The following NCKAP5 variants were observed in gnomAD, a reference collection of about 807,000 sequenced individuals.
The protein encoded by NCKAP5 is NCK associated protein 5, also known as nck-associated protein 5.
A neutral mutation model predicts 167.0 loss-of-function variants in NCKAP5; 92 were observed. The ratio of observed to expected loss-of-function variants is 0.55; its 90% CI spans 0.47 to 0.66. The LOEUF is 0.66. NCKAP5 is among the 30% of genes least tolerant of loss of function. The probability of loss-of-function intolerance (pLI) is 0.00; values close to 1 mark genes in which losing one functional copy is unlikely to be tolerated. For missense variants in NCKAP5, 2,378 were observed against 2,315.0 expected (o/e 1.03, Z -0.56); for synonymous variants, 891 against 877.4 (o/e 1.02, Z -0.27).
intron 11 of NCKAP5, among the ~76,000 whole-genome samples, chr2:132,827,919 C>T (rs1438905787): frequency 6.6e-6 from 1 of 152,142 alleles, no homozygotes; most frequent in African/African-American, 2.4e-5. Flanking sequence ...TGACCCTATA[C>T]CTGCTGGTAG....
In NCKAP5 at chr2:132,860,344, A is replaced by G. The variant is rs572659958; in HGVS notation, c.807+148T>C. On this transcript the variant is annotated intron_variant, in intron 11 of 19. Coordinates refer to ENST00000409261, the MANE Select transcript of NCKAP5 (RefSeq NM_207363.3). ...AAGTCAAGAACTTCAGACACCTTCA[A>G]ATTTAATGACATAACTTGAGAAAGG... The G allele has an allele frequency of 3.3e-5, 32 of 975,616 alleles. No individual in the cohort carries two copies. In the African/African-American group the frequency reaches 5.1e-4, roughly 16 times the overall value. The allele number at this position is 975,616 out of a possible 1,614,324, so 60.4% of individuals were successfully genotyped here. A position where few individuals can be genotyped will look rare whatever the true frequency, so the allele number is the denominator to read the frequency against.
intron 19 of NCKAP5, among the ~76,000 whole-genome samples, chr2:132,693,847 A>G (rs1687048979): frequency 6.6e-6 from 1 of 151,706 alleles, no homozygotes; most frequent in African/African-American, 2.4e-5. Context: ...GCTGGTCTCA[A>G]ACTCCTGACC....
At chr2:133,139,447 A>C (rs1047429889) in intron 5 of NCKAP5, among the ~76,000 whole-genome samples, 1 of 152,196 alleles carries the variant, frequency 6.6e-6, no homozygotes, top group Non-Finnish European at 1.5e-5. Context: ...GTGGGTGAAG[A>C]TTTAAGAGGC....
the NCKAP5 span, among the ~76,000 whole-genome samples, chr2:133,661,153 A>G: frequency 1.3e-5 from 2 of 152,078 alleles, no homozygotes; most frequent in African/African-American, 4.8e-5. Flanking sequence ...AATGACGAGG[A>G]TTGATGAGGG....
intron 6 of NCKAP5, among the ~76,000 whole-genome samples, chr2:133,113,580 T>A (rs193070542): frequency 1.4e-4 from 22 of 152,344 alleles, no homozygotes; most frequent in Admixed American, 8.5e-4. Flanking sequence ...TTTCCCTGCA[T>A]CATGGGGTTA....
At chr2:133,388,033 T>C (rs1005564191) in intron 3 of NCKAP5, among the ~76,000 whole-genome samples, 1 of 152,256 alleles carries the variant, frequency 6.6e-6, no homozygotes, top group Non-Finnish European at 1.5e-5. Flanking sequence ...GAAGCCTTCT[T>C]CTCTCAACTC....
At chr2:132,820,678 T>G (rs1686664237) in intron 11 of NCKAP5, among the ~76,000 whole-genome samples, 1 of 152,224 alleles carries the variant, frequency 6.6e-6, no homozygotes, top group South Asian at 2.1e-4. Context: ...TCACAGACTG[T>G]GGGTAACACA....
chr2:132,884,903 C>T (rs776417729), intron 8 of NCKAP5, among the ~76,000 whole-genome samples: 45 of 152,134 alleles, frequency 3.0e-4, no homozygotes, highest in Non-Finnish European at 4.9e-4. Flanking sequence ...AGATAATTAC[C>T]GTCATTATAC....
At chr2:132,811,201 C>T (rs575456038) in intron 11 of NCKAP5, among the ~76,000 whole-genome samples, 1 of 152,222 alleles carries the variant, frequency 6.6e-6, no homozygotes, top group East Asian at 1.9e-4. Flanking sequence ...CCATGAGGGT[C>T]CTTGGCTTTG....
intron 5 of NCKAP5, among the ~76,000 whole-genome samples, chr2:133,157,538 C>T (rs975078302): frequency 1.3e-5 from 2 of 152,124 alleles, no homozygotes; most frequent in South Asian, 2.1e-4. Context: ...ATGGTTTTCA[C>T]GCTTTTGTTT....
chr2:133,375,023 C>A (rs150090230), intron 3 of NCKAP5, among the ~76,000 whole-genome samples: 7 of 152,150 alleles, frequency 4.6e-5, no homozygotes, highest in South Asian at 2.1e-4. Context: ...TCTGTCCCTG[C>A]GCTTTTCTTA....
chr2:133,260,723 G>A (rs2088863743), intron 4 of NCKAP5, among the ~76,000 whole-genome samples: 1 of 152,174 alleles, frequency 6.6e-6, no homozygotes, highest in African/African-American at 2.4e-5. Flanking sequence ...ATTTTAACAA[G>A]TTTATGTTTT....
At chr2:132,723,140 A>ATTTTTT (rs869234028) in intron 19 of NCKAP5, among the ~76,000 whole-genome samples, 5 of 93,432 alleles carry the variant, frequency 5.4e-5, no homozygotes, top group African/African-American at 1.3e-4. Context: ...GCCAGGTGGT[A>ATTTTTT]TTTTTTTTTT....
At chr2:133,340,654 A>G (rs974422275) in intron 3 of NCKAP5, among the ~76,000 whole-genome samples, 1 of 152,210 alleles carries the variant, frequency 6.6e-6, no homozygotes, top group African/African-American at 2.4e-5. Context: ...GAGGTAATGA[A>G]TGCCCTATAA....
At chr2:133,201,089 A>G (rs961939237) in intron 5 of NCKAP5, among the ~76,000 whole-genome samples, 18 of 152,184 alleles carry the variant, frequency 1.2e-4, no homozygotes, top group African/African-American at 4.3e-4. Context: ...TAAAAGTAAA[A>G]TAGGTGTTCC....
At position 133,516,954 on chromosome 2, in the gene NCKAP5, C is replaced by G. The variant is rs181471442; in HGVS notation, c.69+504G>C. 6.3e-4 allele frequency among the ~76,000 whole-genome samples: 96 copies of G among 152,280 alleles called. 1 individual carries two copies. Among genetic ancestry groups the G allele is most frequent in the African/African-American group, 2.2e-3 (92 of 41,560 alleles). On this transcript the variant is annotated intron_variant, in intron 3 of 19. Coordinates refer to ENST00000409261, the MANE Select transcript of NCKAP5 (RefSeq NM_207363.3). ...TTTCACACCGGATAGCAAACCCAAC[C>G]AGGTTGTTAAGAATAATATTCATCA... is the stretch of plus-strand genomic sequence containing the variant.
intron 4 of NCKAP5, among the ~76,000 whole-genome samples, chr2:133,215,511 G>T (rs2086389891): frequency 6.6e-6 from 1 of 152,080 alleles, no homozygotes; most frequent in African/African-American, 2.4e-5. Context: ...TTCACCAAAA[G>T]ACATGTACCA....
intron 6 of NCKAP5, among the ~76,000 whole-genome samples, chr2:133,127,941 T>G (rs2082455377): frequency 6.6e-6 from 1 of 152,146 alleles, no homozygotes; most frequent in Non-Finnish European, 1.5e-5. Flanking sequence ...TATCATGGAC[T>G]TGAGGAGTTG....
intron 5 of NCKAP5, among the ~76,000 whole-genome samples, chr2:133,202,467 A>G (rs1411288182): frequency 6.6e-6 from 1 of 152,222 alleles, no homozygotes; most frequent in African/African-American, 2.4e-5. Context: ...CATTCAGGAC[A>G]TAGGCATGGA....
Sources: allele counts gnomAD v4.1 joint callset (sites outside exome capture counted in the v4.1 genomes callset), GRCh38; gene constraint gnomAD v4.1.1; transcripts MANE v1.5; gene names NCBI Gene and HGNC (gene_info 2026-07-23, HGNC 2026-07-21).